The following FEV variants were observed in gnomAD, a reference collection of about 807,000 sequenced individuals.
FEV encodes the protein FEV transcription factor, ETS family member.
A neutral mutation model predicts 20.5 loss-of-function variants in FEV; 14 were observed. The observed-to-expected ratio is 0.68, with a 90% CI of 0.45 to 1.07. The LOEUF is 1.07. Among genes scored for constraint, FEV ranks in the 50% least tolerant of loss-of-function variants. The probability of loss-of-function intolerance (pLI) is 0.00; values close to 1 mark genes in which losing one functional copy is unlikely to be tolerated. For synonymous variants in FEV, 188 were observed against 163.7 expected (o/e 1.15, Z -1.13); for missense variants, 301 against 345.3 (o/e 0.87, Z 1.02).
chr2:218,981,908 G>A lies in FEV; in HGVS notation c.476C>T (p.Ala159Val). The A allele has an allele frequency of 7.9e-7, 1 of 1,261,692 alleles. No homozygotes were observed. The allele number at this position is 1,261,692 out of a possible 1,614,324, so 78.2% of individuals were successfully genotyped here. A position where few individuals can be genotyped will look rare whatever the true frequency, so the allele number is the denominator to read the frequency against. The change falls in exon 3 of 3, where the codon GCG becomes GTG. Residue 159 changes from alanine (A) to valine (V), a missense_variant. By Grantham distance (64) the Ala-to-Val change is moderately conservative (BLOSUM62 0). Transcript: ENST00000295727. The surrounding 1 kb of genome is among the most constrained non-coding windows in gnomAD (Gnocchi z 4.5). ...GAGGCCGGCGGGCAGCTTGTAGAGC[G>A]CGCCGTCCTGGGCGGCCGCGGCGGC... ...AAAAAAAQDG[A>V]LYKLPAGLAP...
rs1186004476 is a variant in FEV, at chr2:218,984,571, G to T, written c.53-266C>A. 1 of 420,620 alleles carries T rather than the reference G, an allele frequency of 2.4e-6. No individual in the cohort carries two copies. The highest frequency in any genetic ancestry group is 4.3e-6 in the Non-Finnish European group (1 of 233,564). 26.1% of individuals were successfully genotyped at this position (420,620 alleles called of 1,614,324 possible). On this transcript the variant is annotated intron_variant, in intron 1 of 2. Transcript: ENST00000295727. The surrounding 1 kb of genome is among the most constrained non-coding windows in gnomAD (Gnocchi z 5.0). ...GCTGGAGCCTTATAAAGCCGAGCGGGGAACTGCGCCAGCCGAGCTGGAGCG... is the reference window on the plus strand; with the variant it reads ...GCTGGAGCCTTATAAAGCCGAGCGGTGAACTGCGCCAGCCGAGCTGGAGCG...
In FEV at chr2:218,981,832, C is replaced by T; in HGVS notation, c.552G>A (p.Ser184=). Residue 184 remains serine, a synonymous_variant, in exon 3 of 3, where the codon TCG becomes TCA. Transcript: ENST00000295727. The surrounding 1 kb of genome is among the most constrained non-coding windows in gnomAD (Gnocchi z 4.5). ...GLSKLNLMAA[S]AGVAPAGFSY... ...AGAAGCCGGCGGGCGCGACCCCGGCCGAGGCGGCCATGAGGTTGAGTTTGG... is the reference window on the plus strand; with the variant it reads ...AGAAGCCGGCGGGCGCGACCCCGGCTGAGGCGGCCATGAGGTTGAGTTTGG... 8.1e-7 allele frequency: 1 copy of T among 1,236,976 alleles called. No homozygotes were observed. The allele number at this position is 1,236,976 out of a possible 1,614,324, so 76.6% of individuals were successfully genotyped here. A position where few individuals can be genotyped will look rare whatever the true frequency, so the allele number is the denominator to read the frequency against.
At chr2:218,983,320 GTGGTCT>G (rs1247402908) in intron 2 of FEV, among the ~76,000 whole-genome samples, 4 of 152,178 alleles carry the variant, frequency 2.6e-5, no homozygotes, top group Non-Finnish European at 5.9e-5. Flanking sequence ...TTTCCTCAAA[GTGGTCT>G]GCTTACTGCC....
At position 218,985,038 on chromosome 2, in the gene FEV, T is replaced by G. The variant is rs1042403739; in HGVS notation, c.38A>C (p.Asn13Thr). Reference protein sequence around the residue: ...QSGASQPLLINMYLPDPVGDG... With the variant: ...QSGASQPLLITMYLPDPVGDG... ...GTCCCTGGTACCTGGCAGGTACATG[T>G]TGATCAGCAGGGGCTGGGAGGCGCC... The change falls in exon 1 of 3, where the codon AAC (asparagine) becomes ACC (threonine). Residue 13 changes from asparagine (N) to threonine (T), a missense_variant. Transcript: ENST00000295727. 7.1e-6 allele frequency: 11 copies of G among 1,559,330 alleles called. No individual in the cohort carries two copies. Among genetic ancestry groups the G allele is most frequent in the Admixed American group, 1.9e-5 (1 of 52,488 alleles).
At position 218,981,486 on chromosome 2, in the gene FEV, T is replaced by C. The variant is rs1945383633; in HGVS notation, c.*181A>G. The C allele has an allele frequency of 2.2e-6, 1 of 455,710 alleles. No individual in the cohort carries two copies. The highest frequency in any genetic ancestry group is 3.6e-6 in the Non-Finnish European group (1 of 280,384). 28.2% of individuals were successfully genotyped at this position (455,710 alleles called of 1,614,324 possible). ...GACTGCGGGGTGGGACAGGAGCAAA[T>C]CTAGTACCAGACAAGGATTGAGGGA... is the stretch of plus-strand genomic sequence containing the variant. On this transcript the variant is annotated 3_prime_UTR_variant, in exon 3 of 3. Coordinates refer to ENST00000295727, the MANE Select transcript of FEV (RefSeq NM_017521.3). This position sits in a 1 kb window ranked among gnomAD's most constrained non-coding sequence, Gnocchi z 4.5.
chr2:218,982,053 TGTC>T lies in FEV; in HGVS notation c.328_330del (p.Asp110del), dbSNP rs1186562791. Reference sequence around the variant, plus strand: ...CCATGCACCTTGCTCATGATGTTCTTGTCGTAGTAGTAGCGCAGGGCGCGGCTC... The same window carrying T: ...CCATGCACCTTGCTCATGATGTTCTTGTAGTAGTAGCGCAGGGCGCGGCTC... On this transcript the variant is annotated inframe_deletion, in exon 3 of 3. Coordinates refer to ENST00000295727, the MANE Select transcript of FEV (RefSeq NM_017521.3). 9 of 1,613,656 alleles carry T rather than the reference TGTC, an allele frequency of 5.6e-6. No homozygotes were observed. Among genetic ancestry groups the T allele is most frequent in the African/African-American group, 2.7e-5 (2 of 74,924 alleles).
Position 218,982,011 on chromosome 2 carries a change from G to C in FEV, c.373C>G (p.Arg125Gly). ...SKVHGKRYAY[R>G]FDFQGLAQAC... is the part of the protein sequence containing the mutation. ...TGCGCCAGGCCCTGGAAGTCGAAGC[G>C]GTAGGCGTAGCGCTTGCCATGCACC... is the stretch of plus-strand genomic sequence containing the variant. The change falls in exon 3 of 3, where the codon CGC (arginine) becomes GGC (glycine). Residue 125 changes from arginine to glycine, a missense_variant. Arg to Gly is a moderately radical substitution (Grantham distance 125). Coordinates refer to ENST00000295727, the MANE Select transcript of FEV (RefSeq NM_017521.3). 5.6e-6 allele frequency: 9 copies of C among 1,612,058 alleles called. No individual in the cohort carries two copies. The highest frequency in any genetic ancestry group is 7.6e-6 in the Non-Finnish European group (9 of 1,179,274).
chr2:218,983,884 G>A (rs1323837093), intron 2 of FEV, among the ~76,000 whole-genome samples: 1 of 152,178 alleles, frequency 6.6e-6, no homozygotes, highest in Non-Finnish European at 1.5e-5. Context: ...TAATTCCCCC[G>A]GTTCCATTGC....
At chr2:218,983,356 C>A (rs1029204093) in intron 2 of FEV, among the ~76,000 whole-genome samples, 1 of 152,216 alleles carries the variant, frequency 6.6e-6, no homozygotes, top group Non-Finnish European at 1.5e-5. Context: ...GTCTTTTGAA[C>A]CCCTCTTACT....
At position 218,985,116 on chromosome 2, in the gene FEV, G is replaced by C; in HGVS notation, c.-41C>G. 7.4e-7 allele frequency: 1 copy of C among 1,342,892 alleles called. No individual in the cohort carries two copies. The highest frequency in any genetic ancestry group is 1.0e-6 in the Non-Finnish European group (1 of 983,008). 83.2% of individuals were successfully genotyped at this position (1,342,892 alleles called of 1,614,324 possible). On this transcript the variant is annotated 5_prime_UTR_variant, in exon 1 of 3. Transcript: ENST00000295727. ...GGCGGTGGGAGATGGGGGGGACGGG[G>C]AAGGGGGGCGAGGCAGGCTTTGCGC...
chr2:218,983,616 T>C (rs1945410729), intron 2 of FEV, among the ~76,000 whole-genome samples: 1 of 152,212 alleles, frequency 6.6e-6, no homozygotes, highest in East Asian at 1.9e-4. Context: ...AACCTCGTTT[T>C]TGTGGTTTCT....
At position 218,984,238 on chromosome 2, in the gene FEV, A is replaced by G; in HGVS notation, c.120T>C (p.Val40=). 1 of 1,596,394 alleles carries G rather than the reference A, an allele frequency of 6.3e-7. No homozygotes were observed. Among genetic ancestry groups the G allele is most frequent in the Non-Finnish European group, 8.5e-7 (1 of 1,171,788 alleles). Residue 40 remains valine (V), a synonymous_variant, in exon 2 of 3, where the codon GTT becomes GTC. Coordinates refer to ENST00000295727, the MANE Select transcript of FEV (RefSeq NM_017521.3). This position sits in a 1 kb window ranked among gnomAD's most constrained non-coding sequence, Gnocchi z 5.0. The stretch of plus-strand genomic sequence containing the variant: ...GCGCGCCGGCCATCTCACCTTTCTG[A>G]ACCGCGGGGCTCAGCGGCCCCCAGC... The part of the protein sequence containing the change: ...NPSWGPLSPA[V]QKGSGQIQLW...
chr2:218,982,089 C>A lies in FEV; in HGVS notation c.295G>T (p.Asp99Tyr). The change falls in exon 3 of 3, where the codon GAC becomes TAC. Residue 99 changes from aspartate to tyrosine, a missense_variant. By Grantham distance (160) the Asp-to-Tyr change is radical. Coordinates refer to ENST00000295727, the MANE Select transcript of FEV (RefSeq NM_017521.3). Reference protein sequence around the residue: ...ERKSKPNMNYDKLSRALRYYY... With the variant: ...ERKSKPNMNYYKLSRALRYYY... ...TAGCGCAGGGCGCGGCTCAGCTTGTCGTAGTTCATGTTGGGCTTGCTCTTG... is the reference window on the plus strand; with the variant it reads ...TAGCGCAGGGCGCGGCTCAGCTTGTAGTAGTTCATGTTGGGCTTGCTCTTG... 2 of 1,613,856 alleles carry A rather than the reference C, an allele frequency of 1.2e-6. No individual in the cohort carries two copies. Among genetic ancestry groups the A allele is most frequent in the Admixed American group, 1.7e-5 (1 of 60,030 alleles).
chr2:218,984,146 G>T lies in FEV; in HGVS notation c.127+85C>A. ...CTCCGGGCTTCAGTGTGAACCCTGG[G>T]TCCACACTGCTCCCACCTACTGTCC... On this transcript the variant is annotated intron_variant, in intron 2 of 2. Transcript: ENST00000295727. The surrounding 1 kb of genome is among the most constrained non-coding windows in gnomAD (Gnocchi z 5.0). The T allele has an allele frequency of 7.3e-7, 1 of 1,368,140 alleles. No homozygotes were observed. Among genetic ancestry groups the T allele is most frequent in the Non-Finnish European group, 1.0e-6 (1 of 992,056 alleles). 84.8% of individuals were successfully genotyped at this position (1,368,140 alleles called of 1,614,324 possible).
chr2:218,984,322 A>G lies in FEV; in HGVS notation c.53-17T>C, dbSNP rs1355765796. ...CGACGGGATCTGCAAGCAGCAGAAGAAAAGAATCAGGAGAACCCCGGGCGG... is the reference window on the plus strand; with the variant it reads ...CGACGGGATCTGCAAGCAGCAGAAGGAAAGAATCAGGAGAACCCCGGGCGG... On this transcript the variant is annotated splice_polypyrimidine_tract_variant and intron_variant, in intron 1 of 2. Coordinates refer to ENST00000295727, the MANE Select transcript of FEV (RefSeq NM_017521.3). This position sits in a 1 kb window ranked among gnomAD's most constrained non-coding sequence, Gnocchi z 5.0. 6.3e-7 allele frequency: 1 copy of G among 1,578,926 alleles called. No homozygotes were observed. The highest frequency in any genetic ancestry group is 8.6e-7 in the Non-Finnish European group (1 of 1,161,442).
In FEV at chr2:218,984,902, A is replaced by C. The variant is rs1574488459; in HGVS notation, c.52+122T>G. ...TGCCCTACATTACAATCGGCCCTCC[A>C]TGCAACCCGAATCTCCGGACACTTC... is the stretch of plus-strand genomic sequence containing the variant. On this transcript the variant is annotated intron_variant, in intron 1 of 2. Transcript: ENST00000295727. This position sits in a 1 kb window ranked among gnomAD's most constrained non-coding sequence, Gnocchi z 5.0. 5.5e-6 allele frequency: 5 copies of C among 914,996 alleles called. No homozygotes were observed. In the Admixed American group the frequency reaches 1.0e-4, roughly 19 times the overall value. 56.7% of individuals were successfully genotyped at this position (914,996 alleles called of 1,614,324 possible). A position where few individuals can be genotyped will look rare whatever the true frequency, so the allele number is the denominator to read the frequency against.
rs1458111611 is a variant in FEV at position 218,984,592 on chromosome 2, G to C, written c.53-287C>G. The C allele has an allele frequency of 9.8e-6, 4 of 406,646 alleles. No individual in the cohort carries two copies. Among genetic ancestry groups the C allele is most frequent in the South Asian group, 5.2e-5 (1 of 19,406 alleles). 25.2% of individuals were successfully genotyped at this position (406,646 alleles called of 1,614,324 possible). ...GCGGGGAACTGCGCCAGCCGAGCTG[G>C]AGCGCGAAGAGAAGAGGAGGGTGCC... On this transcript the variant is annotated intron_variant, in intron 1 of 2. Transcript: ENST00000295727. This position sits in a 1 kb window ranked among gnomAD's most constrained non-coding sequence, Gnocchi z 5.0.
In FEV at chr2:218,982,195, G is replaced by T. The variant is rs755493413; in HGVS notation, c.189C>A (p.Ala63=). 5.6e-6 allele frequency: 9 copies of T among 1,611,052 alleles called. No homozygotes were observed. The highest frequency in any genetic ancestry group is 6.8e-6 in the Non-Finnish European group (8 of 1,178,994). Residue 63 remains alanine (A), a synonymous_variant, in exon 3 of 3, where the codon GCC becomes GCA. Coordinates refer to ENST00000295727, the MANE Select transcript of FEV (RefSeq NM_017521.3). The part of the protein sequence containing the change: ...LLELLADRAN[A]GCIAWEGGHG... ...GACCGCCCTCCCACGCGATGCAGCC[G>T]GCGTTCGCGCGGTCAGCCAGCAGCT...
intron 2 of FEV, among the ~76,000 whole-genome samples, chr2:218,983,435 C>T (rs747150694): frequency 2.0e-5 from 3 of 152,232 alleles, no homozygotes; most frequent in Non-Finnish European, 4.4e-5. Context: ...CCCTTCAAGC[C>T]AGCCCAGCAA....
Sources: allele counts gnomAD v4.1 joint callset (sites outside exome capture counted in the v4.1 genomes callset), GRCh38; gene constraint gnomAD v4.1.1; non-coding constraint Gnocchi (gnomAD v3.1); transcripts MANE v1.5; gene names NCBI Gene and HGNC (gene_info 2026-07-23, HGNC 2026-07-21).